Variants in MEIS2 observed in about 807,000 individuals in gnomAD.
MEIS2 encodes the protein Meis homeobox 2, also known as homeobox protein Meis2.
Under a neutral mutation model 58.6 loss-of-function variants are expected in MEIS2, and 9 were observed. The observed-to-expected ratio is 0.15, with a 90% CI of 0.09 to 0.27. The LOEUF (loss-of-function observed/expected upper bound fraction) is 0.27, where lower values mean the gene tolerates loss of function less well. Among genes scored for constraint, MEIS2 ranks in the 10% least tolerant of loss-of-function variants. MEIS2 has a pLI of 1.00. For synonymous variants in MEIS2, 221 were observed against 228.4 expected, an observed-to-expected ratio of 0.97 and a Z score of 0.29; for missense variants, 427 against 635.0, an observed-to-expected ratio of 0.67 and a Z score of 3.52.
intron 7 of MEIS2, among the ~76,000 whole-genome samples, chr15:37,046,005 T>C (rs529268337): frequency 1.3e-5 from 2 of 152,244 alleles, no homozygotes; most frequent in South Asian, 2.1e-4. Flanking sequence ...AAAGAGGGGA[T>C]TTTATGCTCC....
chr15:36,915,412 T>C (rs146734388), intron 9 of MEIS2, among the ~76,000 whole-genome samples: 6 of 152,302 alleles, frequency 3.9e-5, no homozygotes, highest in East Asian at 1.9e-4. Flanking sequence ...TTCATTATTA[T>C]GGGGATTTAG....
At chr15:37,057,212 T>C (rs1177396374) in intron 7 of MEIS2, among the ~76,000 whole-genome samples, 1 of 152,222 alleles carries the variant, frequency 6.6e-6, no homozygotes, top group Non-Finnish European at 1.5e-5. Flanking sequence ...CAATACTCTA[T>C]TGATTAAGCG....
At chr15:37,025,050 C>G (rs1310192365) in intron 8 of MEIS2, among the ~76,000 whole-genome samples, 1 of 152,222 alleles carries the variant, frequency 6.6e-6, no homozygotes, top group Non-Finnish European at 1.5e-5. Context: ...TTGCCTTTCT[C>G]TTGCACATGT....
chr15:36,947,415 G>A lies in MEIS2; in HGVS notation c.977+2909C>T, dbSNP rs370137808. ...CTTCTAAAGTTCATCATTACTGGCT[G>A]ATATTAACAGGTCTGTTTTTATTGC... On this transcript the variant is annotated intron_variant, in intron 9 of 11. Coordinates refer to ENST00000561208, the MANE Select transcript of MEIS2 (RefSeq NM_170675.5). 4.6e-5 allele frequency among the ~76,000 whole-genome samples: 7 copies of A among 152,076 alleles called. No homozygotes were observed. In the East Asian group the frequency reaches 7.7e-4, roughly 17 times the overall value.
At chr15:37,073,981 A>G (rs1891043708) in intron 7 of MEIS2, among the ~76,000 whole-genome samples, 2 of 152,064 alleles carry the variant, frequency 1.3e-5, no homozygotes, top group African/African-American at 4.8e-5. Flanking sequence ...GGCTAAATAT[A>G]TATGTAACTG....
chr15:36,896,636 T>C lies in MEIS2; in HGVS notation c.1028A>G (p.Asn343Ser), dbSNP rs2056191572. The C allele has an allele frequency of 1.9e-6, 3 of 1,612,430 alleles. No homozygotes were observed. The highest frequency in any genetic ancestry group is 2.5e-6 in the Non-Finnish European group (3 of 1,179,522). ...RIVQPMIDQSNRAGFLLDPSV... is the reference protein window; with the variant it reads ...RIVQPMIDQSSRAGFLLDPSV... ...TACTACTTGGAACTTGCCTGCTCGA[T>C]TTGACTGGTCAATCATGGGCTGTAC... The change falls in exon 10 of 12, where the codon AAT becomes AGT. Residue 343 changes from asparagine (N) to serine (S), a missense_variant. Physicochemically the swap from Asn to Ser is conservative, Grantham distance 46. Coordinates refer to ENST00000561208, the MANE Select transcript of MEIS2 (RefSeq NM_170675.5).
At chr15:37,043,221 G>C (rs993869596) in intron 7 of MEIS2, among the ~76,000 whole-genome samples, 3 of 152,118 alleles carry the variant, frequency 2.0e-5, no homozygotes, top group Non-Finnish European at 4.4e-5. Context: ...AGTTAAATAT[G>C]TTCATACAAA....
intron 8 of MEIS2, among the ~76,000 whole-genome samples, chr15:37,009,262 C>G (rs1437089864): frequency 6.6e-6 from 1 of 151,948 alleles, no homozygotes; most frequent in Non-Finnish European, 1.5e-5. Context: ...GCACTCCAGC[C>G]TGGGCGACAG....
intron 9 of MEIS2, among the ~76,000 whole-genome samples, chr15:36,933,744 T>C (rs1016983508): frequency 6.6e-6 from 1 of 152,182 alleles, no homozygotes; most frequent in African/African-American, 2.4e-5. Context: ...ACTCTATTTA[T>C]ATGACTTTCC....
chr15:37,077,599 G>A (rs1015478294), intron 7 of MEIS2, among the ~76,000 whole-genome samples: 2 of 151,902 alleles, frequency 1.3e-5, no homozygotes, highest in Non-Finnish European at 2.9e-5. Flanking sequence ...TGCTTCTATG[G>A]TGCTGGAACA....
At chr15:36,910,508 A>T (rs905418342) in intron 9 of MEIS2, among the ~76,000 whole-genome samples, 1 of 152,192 alleles carries the variant, frequency 6.6e-6, no homozygotes, top group Non-Finnish European at 1.5e-5. Flanking sequence ...CTCGGGTTCC[A>T]AGGATGTGAA....
chr15:36,979,463 G>T (rs1209744424), intron 8 of MEIS2, among the ~76,000 whole-genome samples: 1 of 151,968 alleles, frequency 6.6e-6, no homozygotes, highest in African/African-American at 2.4e-5. Flanking sequence ...TTTGGCGTTT[G>T]CCAATATGAT....
At position 37,036,619 on chromosome 15, in the gene MEIS2, C is replaced by A. The variant is rs2062165557; in HGVS notation, c.900+195G>T. The A allele has an allele frequency of 8.1e-6, 4 of 493,766 alleles. No individual in the cohort carries two copies. In the East Asian group the frequency reaches 1.4e-4, roughly 17 times the overall value. The allele number at this position is 493,766 out of a possible 1,614,324, so 30.6% of individuals were successfully genotyped here. On this transcript the variant is annotated intron_variant, in intron 8 of 11. Transcript: ENST00000561208. ...CATTCCCAGCTTCTTAAAACAAAAA[C>A]CTGCTACTTTCTAGAGGGTGCTCTT...
chr15:36,961,199 G>A (rs2059168083), intron 8 of MEIS2, among the ~76,000 whole-genome samples: 1 of 152,094 alleles, frequency 6.6e-6, no homozygotes, highest in African/African-American at 2.4e-5. Flanking sequence ...AAATCACTTT[G>A]TGAGTTTCTA....
rs1329529783 is a variant in MEIS2, at chr15:37,099,328, T to A, written c.12+127A>T. 7.7e-6 allele frequency: 12 copies of A among 1,560,628 alleles called. 1 individual carries two copies. The East Asian group carries it at 9.1e-5, about 12-fold the overall frequency. On this transcript the variant is annotated intron_variant, in intron 1 of 11. Coordinates refer to ENST00000561208, the MANE Select transcript of MEIS2 (RefSeq NM_170675.5). Reference sequence around the variant, plus strand: ...GCCGATGAATAATTTTGCTATTTTTTAAAATACTGGCCGCCATCATCAAGC... The same window carrying A: ...GCCGATGAATAATTTTGCTATTTTTAAAAATACTGGCCGCCATCATCAAGC...
intron 8 of MEIS2, among the ~76,000 whole-genome samples, chr15:37,020,322 A>G (rs543597746): frequency 6.6e-6 from 1 of 152,154 alleles, no homozygotes; most frequent in South Asian, 2.1e-4. Context: ...CTAAAACCCA[A>G]CCAAAGAAGG....
intron 8 of MEIS2, among the ~76,000 whole-genome samples, chr15:37,030,092 A>G (rs527449337): frequency 8.5e-5 from 13 of 152,196 alleles, no homozygotes; most frequent in Non-Finnish European, 1.6e-4. Flanking sequence ...TAGCAACTCT[A>G]TATTCTGTTC....
chr15:36,918,225 G>A (rs994474589), intron 9 of MEIS2, among the ~76,000 whole-genome samples: 10 of 152,170 alleles, frequency 6.6e-5, no homozygotes, highest in Admixed American at 2.6e-4. Context: ...ATTAAGTTTT[G>A]TGTGATGAAA....
intron 9 of MEIS2, among the ~76,000 whole-genome samples, chr15:36,940,405 A>G (rs1395617362): frequency 6.6e-6 from 1 of 152,140 alleles, no homozygotes; most frequent in Non-Finnish European, 1.5e-5. Context: ...CTCCCTTGCC[A>G]GCCAGTCTCG....
Sources: gnomAD v4.1 joint callset for allele counts (sites outside exome capture counted in the v4.1 genomes callset) on GRCh38, gnomAD v4.1.1 for gene constraint, MANE v1.5 for transcripts, NCBI Gene and HGNC (gene_info 2026-07-23, HGNC 2026-07-21) for gene names.